The following ELP2 variants were observed in gnomAD, a reference collection of about 807,000 sequenced individuals.
The protein encoded by ELP2 is elongator acetyltransferase complex subunit 2.
Under a neutral mutation model 119.2 loss-of-function variants are expected in ELP2, and 90 were observed. The ratio of observed to expected loss-of-function variants is 0.75; its 90% confidence interval spans 0.64 to 0.90. ELP2 has a LOEUF of 0.90. ELP2 is among the 40% of genes least tolerant of loss of function. The pLI, the probability that ELP2 is intolerant of heterozygous loss-of-function variation, is 0.00. For synonymous variants in ELP2, 339 were observed against 331.0 expected (o/e 1.02, Z -0.26); for missense variants, 921 against 967.8 (o/e 0.95, Z 0.64).
intron 11 of ELP2, among the ~76,000 whole-genome samples, chr18:36,149,691 A>G (rs1006380788): frequency 2.0e-5 from 3 of 152,172 alleles, no homozygotes; most frequent in Non-Finnish European, 4.4e-5. Flanking sequence ...TAGTCATACC[A>G]GCATCCTCCC....
intron 17 of ELP2, among the ~76,000 whole-genome samples, chr18:36,163,894 T>G (rs1342622099): frequency 6.6e-6 from 1 of 152,212 alleles, no homozygotes; most frequent in African/African-American, 2.4e-5. Context: ...ATTTTGCCTA[T>G]AGTAGATCCT....
chr18:36,146,931 T>C (rs2090225287), intron 11 of ELP2, among the ~76,000 whole-genome samples: 1 of 152,146 alleles, frequency 6.6e-6, no homozygotes, highest in South Asian at 2.1e-4. Flanking sequence ...TCTAATCTGC[T>C]TCTAGCTTGG....
Position 36,141,180 on chromosome 18 carries a change from A to T in ELP2, c.567A>T (p.Ile189=). The change falls in exon 6 of 22, where the codon ATA becomes ATT. Residue 189 remains isoleucine (I), a synonymous_variant. Coordinates refer to ENST00000358232, the MANE Select transcript of ELP2 (RefSeq NM_018255.4). ...GCAATGATGATTGCAGAATTCACAT[A>T]TTTGCTCAACAAAATGATCAGGTAA... ...ACGNDDCRIH[I]FAQQNDQFQK... is the part of the protein sequence containing the mutation. The T allele has an allele frequency of 6.2e-7, 1 of 1,613,656 alleles. No homozygotes were observed. Among genetic ancestry groups the T allele is most frequent in the Non-Finnish European group, 8.5e-7 (1 of 1,179,666 alleles).
intron 8 of ELP2, among the ~76,000 whole-genome samples, chr18:36,143,403 T>G (rs2090099744): frequency 6.7e-6 from 1 of 149,636 alleles, no homozygotes; most frequent in Non-Finnish European, 1.5e-5. Context: ...ATTACAGGTG[T>G]GAGCCACCGT....
chr18:36,144,887 T>C (rs1326850262), intron 8 of ELP2, 52 bp from the exon 9 acceptor site: 3 of 1,452,554 alleles, frequency 2.1e-6, no homozygotes, highest in South Asian at 1.1e-5. Context: ...TATGGAAATA[T>C]TCTTTTTAGA....
At chr18:36,173,046 G>C (rs2091130535) in intron 21 of ELP2, among the ~76,000 whole-genome samples, 1 of 152,174 alleles carries the variant, frequency 6.6e-6, no homozygotes, top group African/African-American at 2.4e-5. Flanking sequence ...AATATGACAT[G>C]TTAATATTCT....
At chr18:36,135,629 A>G (rs1220695468) in intron 2 of ELP2, among the ~76,000 whole-genome samples, 1 of 152,214 alleles carries the variant, frequency 6.6e-6, no homozygotes. Context: ...AAGTATTTAA[A>G]AGATCTATTT....
chr18:36,167,742 C>T lies in ELP2; in HGVS notation c.2076+520C>T, dbSNP rs185618759. ...GGTCTCGGGTGCAGTGGTACAGTCACGGCTCACTGCAGCCTGGACCTCCTG... is the reference window on the plus strand; with the variant it reads ...GGTCTCGGGTGCAGTGGTACAGTCATGGCTCACTGCAGCCTGGACCTCCTG... On this transcript the variant is annotated intron_variant, in intron 19 of 21. Transcript: ENST00000358232. Among the ~76,000 whole-genome samples, 365 of 150,072 alleles carry T rather than the reference C, an allele frequency of 2.4e-3. 2 individuals carry two copies. Among genetic ancestry groups the T allele is most frequent in the African/African-American group, 7.5e-3 (307 of 40,872 alleles).
intron 5 of ELP2, chr18:36,139,579 CAG>C (rs1163734237): frequency 6.5e-7 from 1 of 1,535,110 alleles, no homozygotes; most frequent in Non-Finnish European, 8.7e-7. Context: ...GGCATCATAA[CAG>C]AATTTCATTT....
At chr18:36,143,176 AC>A (rs1435373860) in intron 8 of ELP2, among the ~76,000 whole-genome samples, 1 of 151,576 alleles carries the variant, frequency 6.6e-6, no homozygotes, top group Admixed American at 6.6e-5. Flanking sequence ...GCTCACTGCA[AC>A]CTCCGTCTCC....
At chr18:36,136,213 G>A (rs138438795) in intron 2 of ELP2, 94 bp from the exon 3 acceptor site, 2 of 883,702 alleles carry the variant, frequency 2.3e-6, no homozygotes, top group Non-Finnish European at 3.8e-6. Flanking sequence ...TAGGTAGAGG[G>A]TACAGGGGTA....
chr18:36,159,322 A>G (rs1261700039), intron 14 of ELP2, among the ~76,000 whole-genome samples: 1 of 152,178 alleles, frequency 6.6e-6, no homozygotes, highest in African/African-American at 2.4e-5. Flanking sequence ...CATGTTGGCC[A>G]GAGTGGTCTG....
At chr18:36,160,821 G>T (rs1292696361) in intron 16 of ELP2, 111 bp from the exon 17 acceptor site, 3 of 728,314 alleles carry the variant, frequency 4.1e-6, no homozygotes, top group South Asian at 1.5e-5. Flanking sequence ...TTCCTTAAAA[G>T]AATTGTATAT....
intron 6 of ELP2, 58 bp downstream of exon 6, chr18:36,141,259 C>G: frequency 7.7e-7 from 1 of 1,297,570 alleles, no homozygotes; most frequent in Non-Finnish European, 1.1e-6. Context: ...TATCTCAATA[C>G]AGACTATATC....
intron 11 of ELP2, among the ~76,000 whole-genome samples, chr18:36,146,898 CT>C (rs2090223810): frequency 6.6e-6 from 1 of 152,074 alleles, no homozygotes; most frequent in African/African-American, 2.4e-5. Context: ...CATTCCTTCT[CT>C]TACTTTGTAA....
In ELP2 at chr18:36,156,536, G is replaced by C; in HGVS notation, c.1346G>C (p.Arg449Pro). The change falls in exon 13 of 22, where the codon CGG becomes CCG. Residue 449 changes from arginine (R) to proline (P), a missense_variant. Transcript: ENST00000358232. ...CTGAAATGTTTGGCAATGATTAATCGGTTTCAGTTTGTATCTGGAGCAGAT... is the reference window on the plus strand; with the variant it reads ...CTGAAATGTTTGGCAATGATTAATCCGTTTCAGTTTGTATCTGGAGCAGAT... ...YDLKCLAMIN[R>P]FQFVSGADEK... 6.2e-7 allele frequency: 1 copy of C among 1,614,066 alleles called. No homozygotes were observed. The highest frequency in any genetic ancestry group is 8.5e-7 in the Non-Finnish European group (1 of 1,179,994).
intron 11 of ELP2, among the ~76,000 whole-genome samples, chr18:36,154,598 T>A (rs1017341408): frequency 7.2e-5 from 11 of 152,352 alleles, no homozygotes; most frequent in South Asian, 6.2e-4. Context: ...AGTATCTGGC[T>A]GCTCAATAAA....
chr18:36,130,391 A>C (rs748571942), intron 1 of ELP2, among the ~76,000 whole-genome samples: 7 of 152,266 alleles, frequency 4.6e-5, no homozygotes, highest in Non-Finnish European at 8.8e-5. Context: ...CCGTTAATCA[A>C]TTTGGGTTTT....
chr18:36,141,594 G>C (rs1234159421), intron 6 of ELP2, among the ~76,000 whole-genome samples: 5 of 152,110 alleles, frequency 3.3e-5, no homozygotes, highest in Non-Finnish European at 7.4e-5. Flanking sequence ...AATTTAGAAA[G>C]GGGTTGGTTA....
Sources: allele counts gnomAD v4.1 joint callset (sites outside exome capture counted in the v4.1 genomes callset), GRCh38; gene constraint gnomAD v4.1.1; transcripts MANE v1.5; gene names NCBI Gene and HGNC (gene_info 2026-07-23, HGNC 2026-07-21).